The following RYR1 variants were observed in gnomAD, a reference collection of about 807,000 sequenced individuals.
RYR1 encodes ryanodine receptor 1.
Under a neutral mutation model 583.5 loss-of-function variants are expected in RYR1, and 342 were observed. The ratio of observed to expected loss-of-function variants is 0.59; its 90% CI spans 0.54 to 0.64. RYR1 has a LOEUF of 0.64. Among genes scored for constraint, RYR1 ranks in the 30% least tolerant of loss-of-function variants. RYR1 has a pLI of 0.00. For missense variants in RYR1, 6,032 were observed against 6,917.2 expected (o/e 0.87, Z 4.54); for synonymous variants, 2,791 against 2,822.5 (o/e 0.99, Z 0.35).
Position 38,514,022 on chromosome 19 carries a change from C to T in RYR1, c.9473-1004C>T, listed in dbSNP as rs560261327. Reference sequence around the variant, plus strand: ...AAATTCAGAATCCAGTCAAGTTTCTCCTGCTGCATTTGGTGGTTGTGTCTC... The same window carrying T: ...AAATTCAGAATCCAGTCAAGTTTCTTCTGCTGCATTTGGTGGTTGTGTCTC... On this transcript the variant is annotated intron_variant, in intron 63 of 105. Coordinates refer to ENST00000359596, the MANE Select transcript of RYR1 (RefSeq NM_000540.3). 8.4e-4 allele frequency among the ~76,000 whole-genome samples: 128 copies of T among 152,204 alleles called. 1 individual carries two copies. Among genetic ancestry groups the T allele is most frequent in the African/African-American group, 2.9e-3 (122 of 41,528 alleles).
At position 38,499,954 on chromosome 19, in the gene RYR1, G is replaced by T. The variant is rs193922808; in HGVS notation, c.7261G>T (p.Ala2421Ser). ...AGAAAACCGGGTGCACCTGGGACAC[G>T]CCATCATGTCCTTCTATGCCGCCTT... ...PEENRVHLGH[A>S]IMSFYAALID... The change falls in exon 45 of 106, where the codon GCC becomes TCC. Residue 2421 changes from alanine (A) to serine (S), a missense_variant. Transcript: ENST00000359596. This position sits in a 1 kb window ranked among gnomAD's most constrained non-coding sequence, Gnocchi z 7.3. 67 of 1,612,364 alleles carry T rather than the reference G, an allele frequency of 4.2e-5. No homozygotes were observed. Among genetic ancestry groups the T allele is most frequent in the Admixed American group, 1.2e-4 (7 of 59,890 alleles).
At chr19:38,519,508 C>A in intron 67 of RYR1, 54 bp downstream of exon 67, 1 of 1,552,662 alleles carries the variant, frequency 6.4e-7, no homozygotes, top group Non-Finnish European at 8.7e-7. Flanking sequence ...CCACGTCCTC[C>A]AGCCCCATCT....
intron 1 of RYR1, among the ~76,000 whole-genome samples, chr19:38,439,705 A>G (rs1385120619): frequency 6.9e-6 from 1 of 145,202 alleles, no homozygotes; most frequent in Non-Finnish European, 1.5e-5. Flanking sequence ...ATGGGGTTTC[A>G]CCATGTTGGC....
Position 38,478,513 on chromosome 19 carries a change from G to C in RYR1, c.4533G>C (p.Thr1511=). 1 of 1,614,156 alleles carries C rather than the reference G, an allele frequency of 6.2e-7. No individual in the cohort carries two copies. Among genetic ancestry groups the C allele is most frequent in the Non-Finnish European group, 8.5e-7 (1 of 1,180,028 alleles). Residue 1511 remains threonine, a synonymous_variant, in exon 31 of 106, where the codon ACG becomes ACC. Coordinates refer to ENST00000359596, the MANE Select transcript of RYR1 (RefSeq NM_000540.3). ...GGCAGCAGGGCCGGATCAGCCACAC[G>C]GACCTTGTCATTGGGTGCCTGGTGG... is the stretch of plus-strand genomic sequence containing the variant. The part of the protein sequence containing the change: ...SPGQQGRISH[T]DLVIGCLVDL...
In RYR1 at chr19:38,444,772, C is replaced by T. The variant is rs1972860095; in HGVS notation, c.631+95C>T. The stretch of plus-strand genomic sequence containing the variant: ...ATACCCAAATGGAGCCTTGGAACCT[C>T]AGACCTCAAACCTAGATCTCCAAAT... On this transcript the variant is annotated intron_variant, in intron 7 of 105. Transcript: ENST00000359596. This position sits in a 1 kb window ranked among gnomAD's most constrained non-coding sequence, Gnocchi z 5.1. 1 of 953,082 alleles carries T rather than the reference C, an allele frequency of 1.0e-6. No individual in the cohort carries two copies. Among genetic ancestry groups the T allele is most frequent in the Non-Finnish European group, 1.7e-6 (1 of 603,758 alleles). The allele number at this position is 953,082 out of a possible 1,614,324, so 59.0% of individuals were successfully genotyped here. A position where few individuals can be genotyped will look rare whatever the true frequency, so the allele number is the denominator to read the frequency against.
At position 38,483,592 on chromosome 19, in the gene RYR1, C is replaced by T; in HGVS notation, c.4934+76C>T. The stretch of plus-strand genomic sequence containing the variant: ...GGGGTCTGGGTCCCACTCAGTGCCC[C>T]TCCTCAACACAACCCCGGGATTCCA... On this transcript the variant is annotated intron_variant, in intron 33 of 105. Coordinates refer to ENST00000359596, the MANE Select transcript of RYR1 (RefSeq NM_000540.3). The surrounding 1 kb of genome is among the most constrained non-coding windows in gnomAD (Gnocchi z 6.3). 2 of 1,283,924 alleles carry T rather than the reference C, an allele frequency of 1.6e-6. No homozygotes were observed. The highest frequency in any genetic ancestry group is 2.0e-5 in the Admixed American group (1 of 50,026). 79.5% of individuals were successfully genotyped at this position (1,283,924 alleles called of 1,614,324 possible).
Position 38,586,082 on chromosome 19 carries a change from C to T in RYR1, c.14869-9C>T, listed in dbSNP as rs910614647. ...GGGCCTCCACTCTGATGTCTCTTGC[C>T]ACTCACAGACCAAGTGCTTCATCTG... On this transcript the variant is annotated splice_polypyrimidine_tract_variant and intron_variant, in intron 103 of 105. Transcript: ENST00000359596. 3.7e-6 allele frequency: 6 copies of T among 1,613,946 alleles called. No homozygotes were observed. In the Admixed American group the frequency reaches 5.0e-5, roughly 13 times the overall value.
At chr19:38,506,764 A>G in intron 56 of RYR1, 65 bp from the exon 57 acceptor site, 1 of 1,610,522 alleles carries the variant, frequency 6.2e-7, no homozygotes, top group Non-Finnish European at 8.5e-7. Flanking sequence ...CACTGCAGGA[A>G]CCACTTCAGT....
rs1170986664 is a variant in RYR1 at position 38,463,475 on chromosome 19, T to C, written c.2630T>C (p.Ile877Thr). Residue 877 changes from isoleucine (I) to threonine (T), a missense_variant, in exon 21 of 106, where the codon ATC (isoleucine) becomes ACC (threonine). Physicochemically the swap from Ile to Thr is moderately conservative, Grantham distance 89. This residue lies in a region of RYR1 where 2,627 missense variants were observed against 2,961.3 expected (regional missense o/e 0.89). Coordinates refer to ENST00000359596, the MANE Select transcript of RYR1 (RefSeq NM_000540.3). ...ATTCGGGAGAAGCTGGCGGAGAACA[T>C]CCACGAGCTCTGGGCGCTAACCCGC... Reference protein sequence around the residue: ...ERIREKLAENIHELWALTRIE... With the variant: ...ERIREKLAENTHELWALTRIE... 2 of 1,613,804 alleles carry C rather than the reference T, an allele frequency of 1.2e-6. No homozygotes were observed. The highest frequency in any genetic ancestry group is 2.2e-5 in the East Asian group (1 of 44,878).
In RYR1 at chr19:38,525,396, C is replaced by T. The variant is rs371839408; in HGVS notation, c.10520C>T (p.Thr3507Met). Residue 3507 changes from threonine to methionine, a missense_variant, in exon 71 of 106, where the codon ACG becomes ATG. Transcript: ENST00000359596. ...KRRGDRYSVQ[T>M]SLIVATLKKM... ...CGGGGGGACCGGTACTCTGTGCAGA[C>T]GTCACTGATCGTGGCCACACTGAAG... 8.1e-5 allele frequency: 131 copies of T among 1,613,892 alleles called. No homozygotes were observed. The highest frequency in any genetic ancestry group is 1.1e-4 in the Non-Finnish European group (126 of 1,179,990).
At position 38,483,267 on chromosome 19, in the gene RYR1, C is replaced by T. The variant is rs775906324; in HGVS notation, c.4708-23C>T. The T allele has an allele frequency of 5.8e-6, 9 of 1,564,278 alleles. No individual in the cohort carries two copies. Among genetic ancestry groups the T allele is most frequent in the African/African-American group, 4.1e-5 (3 of 73,900 alleles). On this transcript the variant is annotated intron_variant, in intron 32 of 105. Coordinates refer to ENST00000359596, the MANE Select transcript of RYR1 (RefSeq NM_000540.3). This position sits in a 1 kb window ranked among gnomAD's most constrained non-coding sequence, Gnocchi z 6.3. The stretch of plus-strand genomic sequence containing the variant: ...ACAGAGGGGGCTGGCCATCTTGACC[C>T]ATGTGTGTCTCTCTGCCCTCAGAAC...
At chr19:38,567,116 C>T in intron 92 of RYR1, 129 bp downstream of exon 92, 1 of 1,452,318 alleles carries the variant, frequency 6.9e-7, no homozygotes, top group Non-Finnish European at 9.3e-7. Flanking sequence ...AGCCCAGACT[C>T]AGGCACGGAG....
At chr19:38,515,149 A>C in intron 64 of RYR1, 42 bp downstream of exon 64, 1 of 620,900 alleles carries the variant, frequency 1.6e-6, no homozygotes, top group Non-Finnish European at 2.9e-6. Flanking sequence ...GTGGGGCTGG[A>C]GGGGAAGGGA....
intron 76 of RYR1, among the ~76,000 whole-genome samples, chr19:38,531,980 A>T (rs1394137992): frequency 6.6e-6 from 1 of 152,184 alleles, no homozygotes; most frequent in East Asian, 1.9e-4. Flanking sequence ...ACCATTTCTT[A>T]CCTGTCATCA....
intron 78 of RYR1, 38 bp downstream of exon 78, chr19:38,532,774 G>A: frequency 5.4e-5 from 87 of 1,602,546 alleles, no homozygotes; most frequent in Non-Finnish European, 7.3e-5. Flanking sequence ...GAAGGGATGG[G>A]GGACCCTGAC....
rs759369980 is a variant in RYR1, at chr19:38,483,505, C to G, written c.4923C>G (p.Pro1641=). Residue 1641 remains proline, a synonymous_variant, in exon 33 of 106, where the codon CCC becomes CCG. Coordinates refer to ENST00000359596, the MANE Select transcript of RYR1 (RefSeq NM_000540.3). The surrounding 1 kb of genome is among the most constrained non-coding windows in gnomAD (Gnocchi z 6.3). ...TGACCATGATGGCGCTGCACATCCC[C>G]GAGGAGAACCGGTCAGGGCCAGCCC... is the stretch of plus-strand genomic sequence containing the variant. ...EPLTMMALHI[P]EENRCMDILE... 3 of 1,548,730 alleles carry G rather than the reference C, an allele frequency of 1.9e-6. No homozygotes were observed. Among genetic ancestry groups the G allele is most frequent in the Admixed American group, 1.9e-5 (1 of 51,612 alleles).
At chr19:38,503,951 T>C (rs868328731) in intron 49 of RYR1, among the ~76,000 whole-genome samples, 10 of 152,288 alleles carry the variant, frequency 6.6e-5, no homozygotes, top group Middle Eastern at 6.8e-3. Context: ...AGCACGCTTA[T>C]TTGTGTAAAG....
At chr19:38,480,851 C>T (rs527523936) in intron 31 of RYR1, among the ~76,000 whole-genome samples, 4 of 151,748 alleles carry the variant, frequency 2.6e-5, no homozygotes, top group Non-Finnish European at 5.9e-5. Flanking sequence ...CTCAAGCCTC[C>T]TAAGTATGTG....
rs1255911256 is a variant in RYR1, at chr19:38,448,678, T to A, written c.987T>A (p.Asp329Glu). The A allele has an allele frequency of 6.2e-7, 1 of 1,614,090 alleles. No individual in the cohort carries two copies. The highest frequency in any genetic ancestry group is 1.3e-5 in the African/African-American group (1 of 74,934). ...AGCTGGATGTGGCCCCCAAGCGGGA[T>A]GTGGAGGGCATGGGCCCCCCTGAGA... ...KEKLDVAPKR[D>E]VEGMGPPEIK... The change falls in exon 11 of 106, where the codon GAT becomes GAA. Residue 329 changes from aspartate (D) to glutamate (E), a missense_variant. Coordinates refer to ENST00000359596, the MANE Select transcript of RYR1 (RefSeq NM_000540.3).
Sources: allele counts gnomAD v4.1 joint callset (sites outside exome capture counted in the v4.1 genomes callset), GRCh38; gene constraint gnomAD v4.1.1; regional missense constraint gnomAD v4.1.1; non-coding constraint Gnocchi (gnomAD v3.1); transcripts MANE v1.5; gene names NCBI Gene and HGNC (gene_info 2026-07-23, HGNC 2026-07-21).